Variants in MIA2 observed in about 807,000 individuals in gnomAD.
The protein encoded by MIA2 is melanoma inhibitory activity protein 2.
Under a neutral mutation model 167.8 loss-of-function variants are expected in MIA2, and 127 were observed. That is an observed-to-expected ratio of 0.76 (90% CI 0.66 to 0.88). MIA2 has a LOEUF of 0.88. Ranked by LOEUF, MIA2 falls within the 40% of genes least tolerant of loss-of-function variation. The pLI, the probability that MIA2 is intolerant of heterozygous loss-of-function variation, is 0.00. For missense variants in MIA2, 1,690 were observed against 1,624.7 expected (o/e 1.04, Z -0.69); for synonymous variants, 552 against 541.9 (o/e 1.02, Z -0.26).
downstream of MIA2, among the ~76,000 whole-genome samples, chr14:39,354,216 T>C (rs1172676992): frequency 6.6e-6 from 1 of 152,214 alleles, no homozygotes; most frequent in East Asian, 1.9e-4. Flanking sequence ...CCACAACCTT[T>C]CCAGCACCTG....
chr14:39,263,646 T>TTTG (rs949941967), intron 6 of MIA2, among the ~76,000 whole-genome samples: 3 of 151,146 alleles, frequency 2.0e-5, no homozygotes, highest in Non-Finnish European at 4.4e-5. Context: ...TTTTTTTTTT[T>TTTG]TCTGAGACAG....
Position 39,345,916 on chromosome 14 carries a change from C to G in MIA2, c.3668C>G (p.Pro1223Arg). 1 of 1,610,000 alleles carries G rather than the reference C, an allele frequency of 6.2e-7. No homozygotes were observed. Among genetic ancestry groups the G allele is most frequent in the Non-Finnish European group, 8.5e-7 (1 of 1,178,206 alleles). ...MMFPPPGQSY[P>R]DSALPPQRQD... ...ACTTATTTTCTAGGACAATCATATC[C>G]TGATTCAGCCCTTCCTCCACAAAGG... Residue 1223 changes from proline (P) to arginine (R), a missense_variant, in exon 26 of 29, where the codon CCT (proline) becomes CGT (arginine). By Grantham distance (103) the Pro-to-Arg change is moderately radical (BLOSUM62 -2). Transcript: ENST00000640607.
At chr14:39,349,185 T>A (rs1183642136) in intron 28 of MIA2, among the ~76,000 whole-genome samples, 1 of 152,218 alleles carries the variant, frequency 6.6e-6, no homozygotes, top group Non-Finnish European at 1.5e-5. Context: ...TTCATCTTAA[T>A]AATATAGAAT....
At chr14:39,265,918 T>C (rs2055556288) in intron 6 of MIA2, 9 of 942,210 alleles carry the variant, frequency 9.6e-6, no homozygotes, top group Non-Finnish European at 1.1e-5. Flanking sequence ...CTAAGCAATT[T>C]TGGCTACTCT....
chr14:39,370,607 C>A, intron 23 of MIA2: 1 of 358,652 alleles, frequency 2.8e-6, no homozygotes, highest in South Asian at 2.3e-5. Context: ...TTGAGGAAGT[C>A]CAGCACCTTG....
chr14:39,302,895 C>G (rs1020956807), intron 15 of MIA2, among the ~76,000 whole-genome samples: 2 of 152,118 alleles, frequency 1.3e-5, no homozygotes, highest in African/African-American at 4.8e-5. Flanking sequence ...AGTGGCAGTT[C>G]TTCAGACTTT....
At position 39,236,864 on chromosome 14, in the gene MIA2, G is replaced by T. The variant is rs910198712; in HGVS notation, c.116-58G>T. ...TGGATTGAGGGACAGCAAGATGAAA[G>T]GAGGAGAAATATCATTTTAATTTAA... is the stretch of plus-strand genomic sequence containing the variant. On this transcript the variant is annotated intron_variant, in intron 1 of 28. Coordinates refer to ENST00000640607, the MANE Select transcript of MIA2 (RefSeq NM_001329214.4). The T allele has an allele frequency of 7.5e-6, 11 of 1,469,012 alleles. No homozygotes were observed. The African/African-American group carries it at 9.9e-5, about 13-fold the overall frequency. The allele number at this position is 1,469,012 out of a possible 1,614,324, so 91.0% of individuals were successfully genotyped here.
intron 22 of MIA2, among the ~76,000 whole-genome samples, chr14:39,318,582 T>G (rs1040952373): frequency 1.3e-5 from 2 of 152,190 alleles, no homozygotes; most frequent in Non-Finnish European, 2.9e-5. Context: ...TTTTTAGTCC[T>G]CTTGCTTGTC....
chr14:39,286,872 T>C (rs1400771035), intron 9 of MIA2, among the ~76,000 whole-genome samples: 4 of 138,958 alleles, frequency 2.9e-5, no homozygotes, highest in Non-Finnish European at 6.3e-5. Flanking sequence ...TTTCTGTGTG[T>C]GTGTGTGTGT....
chr14:39,293,824 T>C (rs2061049818), intron 11 of MIA2, among the ~76,000 whole-genome samples, 176 bp from the exon 12 acceptor site: 2 of 152,222 alleles, frequency 1.3e-5, no homozygotes, highest in South Asian at 4.1e-4. Flanking sequence ...GATACTATTG[T>C]TACGTAATGT....
At chr14:39,283,540 G>C (rs1404839477) in intron 9 of MIA2, among the ~76,000 whole-genome samples, 1 of 152,050 alleles carries the variant, frequency 6.6e-6, no homozygotes, top group Non-Finnish European at 1.5e-5. Flanking sequence ...CTAGAAAAAG[G>C]GTTCCCTTTT....
At chr14:39,385,055 A>G (rs1157336132) in intron 23 of MIA2, among the ~76,000 whole-genome samples, 3 of 152,208 alleles carry the variant, frequency 2.0e-5, no homozygotes, top group Non-Finnish European at 4.4e-5. Flanking sequence ...TTATTAAGAC[A>G]AGATAGCAGC....
intron 14 of MIA2, among the ~76,000 whole-genome samples, chr14:39,300,927 TAC>T (rs1555378170): frequency 5.3e-5 from 5 of 94,846 alleles, no homozygotes; most frequent in African/African-American, 7.0e-5. Flanking sequence ...TATATATATA[TAC>T]ACACACATAT....
intron 2 of MIA2, among the ~76,000 whole-genome samples, chr14:39,238,799 A>AAAAAAAAAAAAAAAAAAAAAAAAAC (rs2053897531): frequency 1.1e-5 from 1 of 92,216 alleles, no homozygotes; most frequent in Non-Finnish European, 2.3e-5. Context: ...GTCTCAAAAA[A>AAAAAAAAAAAAAAAAAAAAAAAAAC]AAAAAAAAAA....
intron 25 of MIA2, among the ~76,000 whole-genome samples, chr14:39,331,647 G>C (rs187324359): frequency 6.6e-6 from 1 of 152,266 alleles, no homozygotes; most frequent in African/African-American, 2.4e-5. Flanking sequence ...TGTAAGGCAG[G>C]CCTGGTGGAG....
intron 25 of MIA2, among the ~76,000 whole-genome samples, chr14:39,329,676 G>A (rs1205859454): frequency 4.8e-5 from 7 of 145,878 alleles, no homozygotes; most frequent in Admixed American, 3.4e-4. Context: ...TTTTTAGCAT[G>A]AAGGGGTGTT....
At chr14:39,326,786 A>G in intron 24 of MIA2, 78 bp from the exon 25 acceptor site, 6 of 1,305,034 alleles carry the variant, frequency 4.6e-6, no homozygotes, top group Non-Finnish European at 6.3e-6. Context: ...TGATTTAACC[A>G]CTGATTTTAT....
intron 15 of MIA2, among the ~76,000 whole-genome samples, chr14:39,303,157 CAT>C (rs1249342907): frequency 6.6e-6 from 1 of 152,062 alleles, no homozygotes; most frequent in Non-Finnish European, 1.5e-5. Flanking sequence ...TAATTTTACT[CAT>C]ATTTTGGATG....
At position 39,308,515 on chromosome 14, in the gene MIA2, A is replaced by G. The variant is rs781537099; in HGVS notation, c.2945A>G (p.Glu982Gly). The G allele has an allele frequency of 1.9e-6, 3 of 1,579,808 alleles. No homozygotes were observed. In the African/African-American group the frequency reaches 4.1e-5, roughly 22 times the overall value. Residue 982 changes from glutamate (E) to glycine (G), a missense_variant, in exon 18 of 29, where the codon GAG becomes GGG. Glu to Gly is a moderately conservative substitution (Grantham distance 98). Coordinates refer to ENST00000640607, the MANE Select transcript of MIA2 (RefSeq NM_001329214.4). ...TCAGAAAACACACATTTTGAAAATG[A>G]GAATCAGAAGCTTCAACAGAAACTT... ...LQSENTHFEN[E>G]NQKLQQKLKV...
Sources: gnomAD v4.1 joint callset for allele counts (sites outside exome capture counted in the v4.1 genomes callset) on GRCh38, gnomAD v4.1.1 for gene constraint, MANE v1.5 for transcripts, NCBI Gene and HGNC (gene_info 2026-07-23, HGNC 2026-07-21) for gene names.